Variants in KIAA1549L observed in about 807,000 individuals in gnomAD.
KIAA1549L encodes the protein UPF0606 protein KIAA1549L.
Under a neutral mutation model 160.7 loss-of-function variants are expected in KIAA1549L, and 88 were observed. The ratio of observed to expected loss-of-function variants is 0.55; its 90% CI spans 0.46 to 0.65. The LOEUF (loss-of-function observed/expected upper bound fraction) is 0.65. KIAA1549L is among the 30% of genes least tolerant of loss of function. The pLI is 0.00. For missense variants in KIAA1549L, 2,258 were observed against 2,437.5 expected, an observed-to-expected ratio of 0.93 and a Z score of 1.55; for synonymous variants, 950 against 976.7, an observed-to-expected ratio of 0.97 and a Z score of 0.51.
At chr11:33,490,710 G>T (rs1373510450) in intron 1 of KIAA1549L, among the ~76,000 whole-genome samples, 1 of 152,196 alleles carries the variant, frequency 6.6e-6, no homozygotes, top group Non-Finnish European at 1.5e-5. Context: ...GCGCATTCTA[G>T]TTCCAGCTGC....
At chr11:33,386,347 G>A (rs61887162) in intron 1 of KIAA1549L, among the ~76,000 whole-genome samples, 1 of 152,248 alleles carries the variant, frequency 6.6e-6, no homozygotes, top group African/African-American at 2.4e-5. Flanking sequence ...TGATCACAGG[G>A]TTTATCTTTA....
chr11:33,473,437 G>A (rs979970609), intron 1 of KIAA1549L, among the ~76,000 whole-genome samples: 1 of 152,184 alleles, frequency 6.6e-6, no homozygotes, highest in Non-Finnish European at 1.5e-5. Flanking sequence ...GGTTGCATAG[G>A]AGTTGTCAGG....
intron 12 of KIAA1549L, among the ~76,000 whole-genome samples, chr11:33,594,997 T>A (rs1003877696): frequency 6.6e-6 from 1 of 152,238 alleles, no homozygotes; most frequent in Non-Finnish European, 1.5e-5. Flanking sequence ...ATGAACATAG[T>A]ACTTTCAGGA....
At chr11:33,476,924 T>C (rs1852298668) in intron 1 of KIAA1549L, among the ~76,000 whole-genome samples, 1 of 152,208 alleles carries the variant, frequency 6.6e-6, no homozygotes, top group Admixed American at 6.5e-5. Flanking sequence ...GCTTTGTGCG[T>C]TTTGTTTGGT....
intron 1 of KIAA1549L, among the ~76,000 whole-genome samples, chr11:33,420,976 A>G (rs779831460): frequency 7.9e-5 from 12 of 152,210 alleles, no homozygotes; most frequent in Non-Finnish European, 1.3e-4. Flanking sequence ...AGGAATGCCT[A>G]TTGATTTGCA....
intron 1 of KIAA1549L, among the ~76,000 whole-genome samples, chr11:33,384,894 G>A (rs956545045): frequency 1.3e-5 from 2 of 149,622 alleles, no homozygotes; most frequent in African/African-American, 4.9e-5. Flanking sequence ...GTGTTCTCCC[G>A]GTCTGTGGCT....
intron 1 of KIAA1549L, among the ~76,000 whole-genome samples, chr11:33,483,207 C>G (rs117342602): frequency 8.1e-4 from 123 of 152,230 alleles, no homozygotes; most frequent in Non-Finnish European, 1.5e-3. Context: ...TGCCATCGTT[C>G]TAGAATAAAT....
intron 1 of KIAA1549L, among the ~76,000 whole-genome samples, chr11:33,444,164 C>A (rs1443947154): frequency 3.3e-5 from 5 of 152,130 alleles, no homozygotes; most frequent in African/African-American, 1.2e-4. Context: ...TGATTTATTT[C>A]TTTATTAAAC....
chr11:33,389,153 T>C (rs1850227280), intron 1 of KIAA1549L, among the ~76,000 whole-genome samples: 1 of 152,236 alleles, frequency 6.6e-6, no homozygotes, highest in East Asian at 1.9e-4. Flanking sequence ...TACTTCTAAC[T>C]TCAGTCTTTC....
At chr11:33,418,141 T>C (rs1440014704) in intron 1 of KIAA1549L, among the ~76,000 whole-genome samples, 1 of 152,204 alleles carries the variant, frequency 6.6e-6, no homozygotes, top group Non-Finnish European at 1.5e-5. Flanking sequence ...TCATATATAT[T>C]GTGTTTATTG....
chr11:33,551,971 A>AC, intron 5 of KIAA1549L, 137 bp from the exon 6 acceptor site: 2 of 955,588 alleles, frequency 2.1e-6, no homozygotes, highest in East Asian at 2.7e-5. Context: ...CTACAAGCAA[A>AC]CCTTGTCTGG....
chr11:33,376,216 G>A lies in KIAA1549L; in HGVS notation c.-436G>A, dbSNP rs1849948869. Among the ~76,000 whole-genome samples the A allele has an allele frequency of 6.7e-6, 1 of 149,454 alleles. No individual in the cohort carries two copies. The highest frequency in any genetic ancestry group is 2.1e-4 in the South Asian group (1 of 4,830). ...GCGAGGAGCGAGGAGCGAGGAGCCAGGACAGCGGGGCGCCGAGGCTGCAGC... is the reference window on the plus strand; with the variant it reads ...GCGAGGAGCGAGGAGCGAGGAGCCAAGACAGCGGGGCGCCGAGGCTGCAGC... On this transcript the variant is annotated 5_prime_UTR_variant, in exon 1 of 21. Transcript: ENST00000658780. The surrounding 1 kb of genome is among the most constrained non-coding windows in gnomAD (Gnocchi z 5.8).
intron 1 of KIAA1549L, among the ~76,000 whole-genome samples, chr11:33,381,989 C>T (rs1850082370): frequency 6.6e-6 from 1 of 152,082 alleles, no homozygotes; most frequent in Admixed American, 6.6e-5. Flanking sequence ...GTATGTAAAG[C>T]TTGAAATGTT....
intron 1 of KIAA1549L, among the ~76,000 whole-genome samples, chr11:33,468,883 CA>C (rs1278347072): frequency 6.6e-6 from 1 of 151,876 alleles, no homozygotes; most frequent in East Asian, 1.9e-4. Flanking sequence ...GAAACATCAA[CA>C]AATAGTTTCA....
At position 33,559,903 on chromosome 11, in the gene KIAA1549L, T is replaced by C. The variant is rs748425161; in HGVS notation, c.4010T>C (p.Ile1337Thr). Residue 1337 changes from isoleucine (I) to threonine (T), a missense_variant, in exon 7 of 21, where the codon ATT becomes ACT. Around this residue, in one of 6 missense-constraint regions of KIAA1549L, gnomAD observed 1,359 missense variants for 1,546.6 expected, o/e 0.88. Coordinates refer to ENST00000658780, the MANE Select transcript of KIAA1549L (RefSeq NM_012194.3). ...GFYLTYPPLTIAEPLEYPNLD... is the reference protein window; with the variant it reads ...GFYLTYPPLTTAEPLEYPNLD... ...TACCTCACCTATCCGCCGCTAACCA[T>C]TGCTGAACGTGAGTATGGCCATGCC... 6 of 1,613,920 alleles carry C rather than the reference T, an allele frequency of 3.7e-6. No homozygotes were observed. Among genetic ancestry groups the C allele is most frequent in the Non-Finnish European group, 5.1e-6 (6 of 1,179,814 alleles).
rs1854451105 is a variant in KIAA1549L at position 33,551,213 on chromosome 11, C to T, written c.3675C>T (p.Ala1225=). 1 of 1,613,804 alleles carries T rather than the reference C, an allele frequency of 6.2e-7. No individual in the cohort carries two copies. Residue 1225 remains alanine, a synonymous_variant, in exon 5 of 21, where the codon GCC becomes GCT. Transcript: ENST00000658780. ...ACTTACAGTCTGTGGCAGTACTTGC[C>T]TCCCCATGGAATCCCCAGCCTGCAG... The part of the protein sequence containing the change: ...TPHLQSVAVL[A]SPWNPQPAGY...
At position 33,668,429 on chromosome 11, in the gene KIAA1549L, A is replaced by G. The variant is rs1442100562; in HGVS notation, c.*275A>G. The G allele has an allele frequency of 1.0e-5, 5 of 483,688 alleles. No homozygotes were observed. The highest frequency in any genetic ancestry group is 1.9e-5 in the African/African-American group (1 of 52,056). 30.0% of individuals were successfully genotyped at this position (483,688 alleles called of 1,614,324 possible). On this transcript the variant is annotated 3_prime_UTR_variant, in exon 21 of 21. Transcript: ENST00000658780. ...TGTTTGAACTTTGGGCATGTGCCCT[A>G]TGGAAGCTTAGTCACAAGAGGCACT...
At position 33,556,283 on chromosome 11, in the gene KIAA1549L, A is replaced by G. The variant is rs146920470; in HGVS notation, c.3856-3466A>G. On this transcript the variant is annotated intron_variant, in intron 6 of 20. Transcript: ENST00000658780. ...AAATAACTAAACATAGAATTACCAT[A>G]TGGTTCAGCACTTTCATTTCTCATT... 2.2e-3 allele frequency among the ~76,000 whole-genome samples: 342 copies of G among 152,344 alleles called. 1 individual carries two copies. Among genetic ancestry groups the G allele is most frequent in the Middle Eastern group, 0.01 (3 of 294 alleles).
intron 16 of KIAA1549L, among the ~76,000 whole-genome samples, chr11:33,633,758 G>A (rs1048871115): frequency 6.6e-6 from 1 of 152,214 alleles, no homozygotes; most frequent in Non-Finnish European, 1.5e-5. Context: ...TTCACAGGTA[G>A]TACAGTGTAG....
Sources: allele counts gnomAD v4.1 joint callset (sites outside exome capture counted in the v4.1 genomes callset), GRCh38; gene constraint gnomAD v4.1.1; regional missense constraint gnomAD v4.1.1; non-coding constraint Gnocchi (gnomAD v3.1); transcripts MANE v1.5; gene names NCBI Gene and HGNC (gene_info 2026-07-23, HGNC 2026-07-21).